The following GAB4 variants were observed in gnomAD, a reference collection of about 807,000 sequenced individuals.
The protein encoded by GAB4 is GRB2-associated-binding protein 4.
A neutral mutation model predicts 51.3 loss-of-function variants in GAB4; 26 were observed. The ratio of observed to expected loss-of-function variants is 0.51; its 90% CI spans 0.37 to 0.70. The LOEUF (loss-of-function observed/expected upper bound fraction) is 0.70, where lower values mean the gene tolerates loss of function less well. Among genes scored for constraint, GAB4 ranks in the 30% least tolerant of loss-of-function variants. The pLI, the probability that GAB4 is intolerant of heterozygous loss-of-function variation, is 0.00. For synonymous variants in GAB4, 329 were observed against 291.2 expected (o/e 1.13, Z -1.32); for missense variants, 759 against 734.6 (o/e 1.03, Z -0.38).
Position 16,964,767 on chromosome 22 carries a change from G to A in GAB4, c.1475C>T (p.Pro492Leu), listed in dbSNP as rs1050705105. ...TTACAGTGACCCCCAAGGACTCACC[G>A]GGAAAAGATACCTCTCTCCACTGTC... is the stretch of plus-strand genomic sequence containing the variant. ...SEDSGERYLF[P>L]NPASAFPVSG... The change falls in exon 8 of 10, where the codon CCG (proline) becomes CTG (leucine). Residue 492 changes from proline to leucine, a missense_variant and splice_region_variant. Pro to Leu is a moderately conservative substitution (Grantham distance 98). Around this residue, in one of 3 missense-constraint regions of GAB4, gnomAD observed 588 missense variants for 510.2 expected, o/e 1.15. Coordinates refer to ENST00000400588, the MANE Select transcript of GAB4 (RefSeq NM_001037814.1). 30 of 1,609,170 alleles carry A rather than the reference G, an allele frequency of 1.9e-5. No homozygotes were observed. Among genetic ancestry groups the A allele is most frequent in the African/African-American group, 4.0e-5 (3 of 74,780 alleles).
intron 4 of GAB4, chr22:16,969,613 C>T: frequency 4.9e-6 from 3 of 614,520 alleles, no homozygotes; most frequent in East Asian, 5.2e-5. Flanking sequence ...TCATACTGAC[C>T]TTGGTGACAT....
intron 1 of GAB4, among the ~76,000 whole-genome samples, chr22:17,007,578 C>A (rs1319793053): frequency 1.4e-5 from 2 of 145,536 alleles, no homozygotes; most frequent in African/African-American, 2.6e-5. Context: ...AGAGAGGGTG[C>A]GAGGTGCCCG....
chr22:17,007,800 A>G, intron 1 of GAB4, 141 bp downstream of exon 1: 2 of 713,682 alleles, frequency 2.8e-6, no homozygotes. Context: ...ACTGGCGGGG[A>G]GTCGCCTTCG....
At chr22:17,004,689 G>A (rs2123730326) in intron 1 of GAB4, among the ~76,000 whole-genome samples, 1 of 150,760 alleles carries the variant, frequency 6.6e-6, no homozygotes, top group Non-Finnish European at 1.5e-5. Context: ...AAAATAATAA[G>A]TTATTTATGA....
At chr22:16,971,772 G>T (rs772541516) in intron 3 of GAB4, among the ~76,000 whole-genome samples, 26 of 152,186 alleles carry the variant, frequency 1.7e-4, no homozygotes, top group Admixed American at 8.5e-4. Flanking sequence ...CTGTTCCTTG[G>T]GGACATGGCC....
Position 16,994,436 on chromosome 22 carries a change from C to G in GAB4, c.175-2260G>C, listed in dbSNP as rs139876172. On this transcript the variant is annotated intron_variant, in intron 1 of 9. Transcript: ENST00000400588. ...GTCACCTGAAGTATTGCCGAGGCTG[C>G]TGCCTTCACGATTCTGTGTGTACAT... Among the ~76,000 whole-genome samples, 618 of 152,330 alleles carry G rather than the reference C, an allele frequency of 4.1e-3. 1 individual carries two copies. Among genetic ancestry groups the G allele is most frequent in the Middle Eastern group, 0.024 (7 of 294 alleles).
chr22:16,977,439 A>C (rs934517069), intron 3 of GAB4, among the ~76,000 whole-genome samples: 2 of 152,220 alleles, frequency 1.3e-5, no homozygotes, highest in African/African-American at 4.8e-5. Flanking sequence ...AGGGCTTTAC[A>C]TAATGGTAAA....
intron 8 of GAB4, among the ~76,000 whole-genome samples, chr22:16,964,064 C>T (rs74434260): frequency 1.8e-3 from 272 of 152,276 alleles, no homozygotes; most frequent in Non-Finnish European, 3.2e-3. Context: ...AACTCCCACC[C>T]ATGGCCCAGA....
chr22:16,998,122 A>G (rs1420483503), intron 1 of GAB4, among the ~76,000 whole-genome samples: 1 of 152,158 alleles, frequency 6.6e-6, no homozygotes, highest in Non-Finnish European at 1.5e-5. Flanking sequence ...TTGTCTTAGC[A>G]ATGCAGCTCT....
chr22:17,003,688 A>C (rs35364127), intron 1 of GAB4, among the ~76,000 whole-genome samples: 3,368 of 152,334 alleles, frequency 0.022, 57 homozygotes, highest in Middle Eastern at 0.068. Context: ...CAGTGTTTAG[A>C]GGGAAATGTA....
intron 5 of GAB4, among the ~76,000 whole-genome samples, chr22:16,968,020 G>C (rs1224459208): frequency 3.9e-5 from 6 of 152,146 alleles, no homozygotes; most frequent in Non-Finnish European, 8.8e-5. Flanking sequence ...CACCTGCTTA[G>C]AGCACCCAGA....
chr22:16,996,787 AT>A (rs1395295031), intron 1 of GAB4, among the ~76,000 whole-genome samples: 1 of 149,038 alleles, frequency 6.7e-6, no homozygotes, highest in East Asian at 2.0e-4. Flanking sequence ...CATTATGTGT[AT>A]CTCCTAATGA....
intron 9 of GAB4, 93 bp downstream of exon 9, chr22:16,963,632 C>CAGCCCAGT (rs564779483): frequency 0.025 from 21,302 of 839,798 alleles, 388 homozygotes; most frequent in Middle Eastern, 0.051. Context: ...GGCAGCCCAG[C>CAGCCCAGT]AGCCCAGTGC....
At position 16,981,368 on chromosome 22, in the gene GAB4, C is replaced by G. The variant is rs527508029; in HGVS notation, c.686+6592G>C. On this transcript the variant is annotated intron_variant, in intron 3 of 9. Coordinates refer to ENST00000400588, the MANE Select transcript of GAB4 (RefSeq NM_001037814.1). ...AACTTTGCTTTTTTGAAAAGATAAACAAAATTGATAATCCTTTAGCTAGAT... is the reference window on the plus strand; with the variant it reads ...AACTTTGCTTTTTTGAAAAGATAAAGAAAATTGATAATCCTTTAGCTAGAT... Among the ~76,000 whole-genome samples, 6 of 151,396 alleles carry G rather than the reference C, an allele frequency of 4.0e-5. No individual in the cohort carries two copies. In the South Asian group the frequency reaches 1.0e-3, roughly 26 times the overall value.
In GAB4 at chr22:16,970,059, GA is replaced by G; in HGVS notation, c.820del (p.Ser274ProfsTer89). The G allele has an allele frequency of 6.2e-7, 1 of 1,614,230 alleles. No homozygotes were observed. The highest frequency in any genetic ancestry group is 1.1e-5 in the South Asian group (1 of 91,086). ...TTCTGCATTGTGCTGGCTGGGCTTGGAAAGGCTATGGAAGCCATGGATGTGA... is the reference window on the plus strand; with the variant it reads ...TTCTGCATTGTGCTGGCTGGGCTTGGAAGGCTATGGAAGCCATGGATGTGA... The part of the protein sequence containing the change: ...SGHIHGFHSL[S>X]KPSQHNAEFR... On this transcript the variant is annotated frameshift_variant, in exon 4 of 10. Transcript: ENST00000400588. LOFTEE classifies it high-confidence loss of function.
intron 1 of GAB4, among the ~76,000 whole-genome samples, chr22:17,007,651 G>T (rs1391080534): frequency 2.0e-5 from 3 of 152,184 alleles, no homozygotes; most frequent in Non-Finnish European, 4.4e-5. Flanking sequence ...TTGCGAGGCT[G>T]CGGAGCCTGC....
At chr22:16,963,914 CGA>C in intron 8 of GAB4, 85 bp from the exon 9 acceptor site, 1 of 1,017,282 alleles carries the variant, frequency 9.8e-7, no homozygotes, top group Non-Finnish European at 1.5e-6. Context: ...GGCGTAGCTA[CGA>C]GCCCACTGGG....
At chr22:16,983,480 G>C (rs1569101863) in intron 3 of GAB4, among the ~76,000 whole-genome samples, 1 of 151,852 alleles carries the variant, frequency 6.6e-6, no homozygotes, top group Non-Finnish European at 1.5e-5. Context: ...ACCACACTAG[G>C]ATCAGAACAG....
intron 1 of GAB4, among the ~76,000 whole-genome samples, chr22:16,997,521 T>G (rs2060959525): frequency 6.6e-6 from 1 of 152,234 alleles, no homozygotes; most frequent in Admixed American, 6.5e-5. Flanking sequence ...TTTAAGTTCT[T>G]TGTAGATTCT....
Sources: allele counts gnomAD v4.1 joint callset (sites outside exome capture counted in the v4.1 genomes callset), GRCh38; gene constraint gnomAD v4.1.1; regional missense constraint gnomAD v4.1.1; transcripts MANE v1.5; gene names NCBI Gene and HGNC (gene_info 2026-07-23, HGNC 2026-07-21).